ELAPOR2: variants seen among roughly 807,000 people sequenced by gnomAD.
ELAPOR2 encodes the protein endosome/lysosome-associated apoptosis and autophagy regulator family member 2.
ELAPOR2 carries 89 observed loss-of-function variants against 120.7 expected under a neutral mutation model. The observed-to-expected ratio is 0.74, with a 90% CI of 0.62 to 0.88. The LOEUF (loss-of-function observed/expected upper bound fraction) is 0.88. Among genes scored for constraint, ELAPOR2 ranks in the 40% least tolerant of loss-of-function variants. The pLI is 0.00. For missense variants in ELAPOR2, 1,134 were observed against 1,251.6 expected (o/e 0.91, Z 1.42); for synonymous variants, 444 against 444.9 (o/e 1.00, Z 0.03).
intron 1 of ELAPOR2, among the ~76,000 whole-genome samples, chr7:87,014,592 AT>A (rs1793808744): frequency 6.6e-6 from 1 of 152,216 alleles, no homozygotes; most frequent in Non-Finnish European, 1.5e-5. Flanking sequence ...GTCACAAAAA[AT>A]GTGACGCTTA....
intron 4 of ELAPOR2, among the ~76,000 whole-genome samples, 165 bp from the exon 5 acceptor site, chr7:86,942,269 C>G (rs1435226967): frequency 6.6e-6 from 1 of 151,954 alleles, no homozygotes; most frequent in African/African-American, 2.4e-5. Context: ...GCCTAAGTGA[C>G]AACTGCATAA....
chr7:87,036,411 G>A lies in ELAPOR2; in HGVS notation c.189+22914C>T, dbSNP rs116872563. On this transcript the variant is annotated intron_variant, in intron 1 of 21. Transcript: ENST00000450689. ...AGGTTGGAGGATCACTGGAGCTCTG[G>A]GAGGTCAAAACTATGTGAGCTGTTA... Among the ~76,000 whole-genome samples, 40 of 152,292 alleles carry A rather than the reference G, an allele frequency of 2.6e-4. No individual in the cohort carries two copies. The East Asian group carries it at 2.7e-3, about 10-fold the overall frequency.
intron 12 of ELAPOR2, among the ~76,000 whole-genome samples, chr7:86,917,165 A>C (rs1789607704): frequency 6.6e-6 from 1 of 151,674 alleles, no homozygotes; most frequent in Admixed American, 6.6e-5. Flanking sequence ...CACACCTGTA[A>C]TCCCAGCACT....
At chr7:87,009,416 CACA>C (rs972265922) in intron 1 of ELAPOR2, among the ~76,000 whole-genome samples, 1 of 152,110 alleles carries the variant, frequency 6.6e-6, no homozygotes, top group Non-Finnish European at 1.5e-5. Flanking sequence ...CAGGATTTAT[CACA>C]ACAACTGAAA....
At chr7:86,982,995 GC>G (rs1490861467) in intron 1 of ELAPOR2, among the ~76,000 whole-genome samples, 2 of 152,152 alleles carry the variant, frequency 1.3e-5, no homozygotes, top group African/African-American at 4.8e-5. Flanking sequence ...ACCTTAAATG[GC>G]CTGACGGAGC....
intron 10 of ELAPOR2, among the ~76,000 whole-genome samples, chr7:86,924,564 T>C (rs1456595428): frequency 1.3e-5 from 2 of 152,040 alleles, no homozygotes; most frequent in African/African-American, 4.8e-5. Flanking sequence ...TATCTTATTC[T>C]TCTTCTCTCT....
At chr7:86,935,966 A>T (rs1023970724) in intron 8 of ELAPOR2, among the ~76,000 whole-genome samples, 5 of 152,094 alleles carry the variant, frequency 3.3e-5, no homozygotes, top group African/African-American at 1.2e-4. Context: ...ACTAAGATTC[A>T]AAATAAATAC....
intron 8 of ELAPOR2, among the ~76,000 whole-genome samples, chr7:86,936,706 CTA>C (rs1224568554): frequency 6.6e-6 from 1 of 152,038 alleles, no homozygotes; most frequent in African/African-American, 2.4e-5. Flanking sequence ...ATATATGTGT[CTA>C]TGCATATGTG....
chr7:86,936,995 T>G (rs532675556), intron 8 of ELAPOR2, among the ~76,000 whole-genome samples: 2 of 152,196 alleles, frequency 1.3e-5, no homozygotes, highest in East Asian at 3.9e-4. Flanking sequence ...AAGAAAAGTT[T>G]ATCTAAACAA....
intron 1 of ELAPOR2, among the ~76,000 whole-genome samples, chr7:87,016,678 T>TATAA (rs1562969464): frequency 6.7e-6 from 1 of 148,200 alleles, no homozygotes; most frequent in African/African-American, 2.5e-5. Context: ...TATATATATA[T>TATAA]AATATATAAT....
Position 86,910,843 on chromosome 7 carries a change from C to A in ELAPOR2, c.2170-842G>T, listed in dbSNP as rs994632219. ...AAGAAAAGTATAAAAGTTTATCTTT[C>A]TTAATGCAGCTAGCAGACCTAACCT... On this transcript the variant is annotated intron_variant, in intron 15 of 21. Coordinates refer to ENST00000450689, the MANE Select transcript of ELAPOR2 (RefSeq NM_001142749.3). Among the ~76,000 whole-genome samples the A allele has an allele frequency of 1.8e-4, 27 of 152,076 alleles. 1 individual carries two copies. Among genetic ancestry groups the A allele is most frequent in the Admixed American group, 6.6e-5 (1 of 15,262 alleles).
In ELAPOR2 at chr7:86,880,397, AC is replaced by A; in HGVS notation, c.*73del. 9.4e-7 allele frequency: 1 copy of A among 1,064,602 alleles called. No individual in the cohort carries two copies. The highest frequency in any genetic ancestry group is 1.5e-6 in the Non-Finnish European group (1 of 683,648). 65.9% of individuals were successfully genotyped at this position (1,064,602 alleles called of 1,614,324 possible). A position where few individuals can be genotyped will look rare whatever the true frequency, so the allele number is the denominator to read the frequency against. ...ACCAATGTGACAGGTATGAGGACAG[AC>A]CCTAAAATATGGTCCTGTAAAACTA... is the stretch of plus-strand genomic sequence containing the variant. On this transcript the variant is annotated 3_prime_UTR_variant, in exon 22 of 22. Coordinates refer to ENST00000450689, the MANE Select transcript of ELAPOR2 (RefSeq NM_001142749.3).
chr7:86,972,937 A>G (rs538441515), intron 1 of ELAPOR2, among the ~76,000 whole-genome samples: 2 of 152,274 alleles, frequency 1.3e-5, no homozygotes, highest in South Asian at 2.1e-4. Flanking sequence ...TAACATTTGC[A>G]TAACTCTGTA....
At chr7:86,938,781 A>T (rs748515193) in intron 7 of ELAPOR2, 27 bp downstream of exon 7, 2 of 1,610,382 alleles carry the variant, frequency 1.2e-6, no homozygotes, top group South Asian at 2.2e-5. Flanking sequence ...TTTAGAAAGA[A>T]AAAAGCAGAG....
At chr7:87,056,187 A>T (rs1290941473) in intron 1 of ELAPOR2, among the ~76,000 whole-genome samples, 1 of 152,202 alleles carries the variant, frequency 6.6e-6, no homozygotes, top group Non-Finnish European at 1.5e-5. Context: ...ACTCTTCCCA[A>T]AATATCAGGA....
At chr7:86,948,297 A>G (rs541825744) in intron 2 of ELAPOR2, among the ~76,000 whole-genome samples, 7 of 152,272 alleles carry the variant, frequency 4.6e-5, no homozygotes, top group South Asian at 2.1e-4. Flanking sequence ...CCCTGGCCCA[A>G]TGGGCAGTCA....
intron 2 of ELAPOR2, among the ~76,000 whole-genome samples, chr7:86,959,117 G>C (rs1324335743): frequency 6.6e-6 from 1 of 152,008 alleles, no homozygotes; most frequent in East Asian, 1.9e-4. Context: ...TTTCTCTTTG[G>C]ATAGTTAATT....
chr7:86,972,179 T>A (rs1356819162), intron 1 of ELAPOR2, among the ~76,000 whole-genome samples: 1 of 152,154 alleles, frequency 6.6e-6, no homozygotes. Flanking sequence ...GACTTCTGAT[T>A]TGAGGCTTGG....
At chr7:87,055,972 A>G (rs1015901950) in intron 1 of ELAPOR2, among the ~76,000 whole-genome samples, 4 of 152,220 alleles carry the variant, frequency 2.6e-5, no homozygotes, top group African/African-American at 9.6e-5. Context: ...TGTAAATAAT[A>G]CAGACATAAT....
Sources: allele counts gnomAD v4.1 joint callset (sites outside exome capture counted in the v4.1 genomes callset), GRCh38; gene constraint gnomAD v4.1.1; transcripts MANE v1.5; gene names NCBI Gene and HGNC (gene_info 2026-07-23, HGNC 2026-07-21).